The following CLOCK variants were observed in gnomAD, a reference collection of about 807,000 sequenced individuals.
CLOCK encodes the protein clock circadian regulator.
CLOCK carries 43 observed loss-of-function variants against 118.4 expected under a neutral mutation model. The observed-to-expected ratio is 0.36, with a 90% CI of 0.28 to 0.47. CLOCK has a LOEUF of 0.47. Among genes scored for constraint, CLOCK ranks in the 20% least tolerant of loss-of-function variants. CLOCK has a pLI of 1.00. For missense variants in CLOCK, 846 were observed against 999.9 expected, an observed-to-expected ratio of 0.85 and a Z score of 2.08; for synonymous variants, 326 against 339.2, an observed-to-expected ratio of 0.96 and a Z score of 0.43.
chr4:55,512,607 C>T (rs952340873), intron 1 of CLOCK, among the ~76,000 whole-genome samples: 4 of 151,784 alleles, frequency 2.6e-5, no homozygotes, highest in Non-Finnish European at 2.9e-5. Flanking sequence ...ACACGGAATA[C>T]GTCTTTGATG....
In CLOCK at chr4:55,453,563, C is replaced by T. The variant is rs1014921108; in HGVS notation, c.1130+114G>A. ...ATAATATATTGAAAGGATCTATCAG[C>T]AATTGAGAAAAGAGCACTTTGTAGC... On this transcript the variant is annotated intron_variant, in intron 14 of 22. Coordinates refer to ENST00000513440, the MANE Select transcript of CLOCK (RefSeq NM_004898.4). The T allele has an allele frequency of 1.3e-5, 10 of 743,192 alleles. No individual in the cohort carries two copies. The African/African-American group carries it at 1.6e-4, about 12-fold the overall frequency. The allele number at this position is 743,192 out of a possible 1,614,324, so 46.0% of individuals were successfully genotyped here.
At chr4:55,544,956 C>A (rs1287372676) in intron 1 of CLOCK, among the ~76,000 whole-genome samples, 1 of 151,924 alleles carries the variant, frequency 6.6e-6, no homozygotes, top group East Asian at 1.9e-4. Context: ...TTTTTGCAAT[C>A]TTTGCATGTT....
chr4:55,442,657 A>G (rs1723467408), intron 20 of CLOCK, 23 bp from the exon 21 acceptor site: 1 of 1,576,814 alleles, frequency 6.3e-7, no homozygotes, highest in Non-Finnish European at 8.7e-7. Context: ...AAGAGATTTT[A>G]TAGACAGATT....
chr4:55,459,725 T>G (rs1269574090), intron 9 of CLOCK, among the ~76,000 whole-genome samples: 2 of 152,110 alleles, frequency 1.3e-5, no homozygotes, highest in African/African-American at 4.8e-5. Context: ...TGCAGTGGCA[T>G]GATCACTGCT....
chr4:55,438,554 G>A lies in CLOCK; in HGVS notation c.2106-17C>T, dbSNP rs1172937295. The A allele has an allele frequency of 1.9e-6, 3 of 1,612,462 alleles. No individual in the cohort carries two copies. In the South Asian group the frequency reaches 3.3e-5, roughly 18 times the overall value. ...TGAGAAAATCTGTTAGAAGAAAGAAGGAAAAAAATTGGAGTCCAAAGTACA... is the reference window on the plus strand; with the variant it reads ...TGAGAAAATCTGTTAGAAGAAAGAAAGAAAAAAATTGGAGTCCAAAGTACA... On this transcript the variant is annotated splice_polypyrimidine_tract_variant and intron_variant, in intron 21 of 22. Coordinates refer to ENST00000513440, the MANE Select transcript of CLOCK (RefSeq NM_004898.4).
At chr4:55,466,975 G>T (rs1234811280) in intron 8 of CLOCK, among the ~76,000 whole-genome samples, 1 of 152,148 alleles carries the variant, frequency 6.6e-6, no homozygotes, top group African/African-American at 2.4e-5. Context: ...TTAGTGATTG[G>T]ATGACACAAA....
intron 2 of CLOCK, among the ~76,000 whole-genome samples, chr4:55,507,221 G>A (rs982471002): frequency 4.6e-5 from 7 of 152,090 alleles, no homozygotes; most frequent in Non-Finnish European, 7.4e-5. Context: ...AGGCTAAGGT[G>A]CGACGATCGC....
intron 4 of CLOCK, 25 bp from the exon 5 acceptor site, chr4:55,479,724 T>A: frequency 6.3e-7 from 1 of 1,592,362 alleles, no homozygotes; most frequent in Non-Finnish European, 8.6e-7. Flanking sequence ...ATAGAGAAAG[T>A]AAGAGCAGAC....
chr4:55,443,973 C>T, intron 19 of CLOCK, 77 bp from the exon 20 acceptor site: 1 of 1,322,700 alleles, frequency 7.6e-7, no homozygotes, highest in Non-Finnish European at 1.1e-6. Context: ...AAGGCAAAAT[C>T]AAGCTACAAA....
rs985564719 is a variant in CLOCK, at chr4:55,546,835, G to A, written c.-343C>T. On this transcript the variant is annotated 5_prime_UTR_variant, in exon 1 of 23. Coordinates refer to ENST00000513440, the MANE Select transcript of CLOCK (RefSeq NM_004898.4). ...ATTTCCTTCGCGCTCTCGCTCTCCGGGGTTTCCTTTTTTAAACCGGCAGCC... is the reference window on the plus strand; with the variant it reads ...ATTTCCTTCGCGCTCTCGCTCTCCGAGGTTTCCTTTTTTAAACCGGCAGCC... The A allele has an allele frequency of 6.6e-6, 1 of 152,180 alleles. No individual in the cohort carries two copies. The highest frequency in any genetic ancestry group is 1.5e-5 in the Non-Finnish European group (1 of 68,078). The allele number at this position is 152,180 out of a possible 1,614,324, so 9.4% of individuals were successfully genotyped here. A position where few individuals can be genotyped will look rare whatever the true frequency, so the allele number is the denominator to read the frequency against.
chr4:55,511,963 T>C (rs1729177724), intron 1 of CLOCK, among the ~76,000 whole-genome samples: 3 of 151,946 alleles, frequency 2.0e-5, no homozygotes, highest in Admixed American at 2.0e-4. Flanking sequence ...CACTGAATGA[T>C]ATATTCCATT....
chr4:55,511,441 G>A (rs1041400647), intron 1 of CLOCK, among the ~76,000 whole-genome samples: 5 of 152,060 alleles, frequency 3.3e-5, no homozygotes, highest in Non-Finnish European at 7.4e-5. Context: ...AAAGACTTTA[G>A]AACATTAATT....
intron 21 of CLOCK, 73 bp downstream of exon 21, chr4:55,442,359 A>C (rs1285789522): frequency 3.0e-6 from 4 of 1,339,380 alleles, no homozygotes; most frequent in Non-Finnish European, 4.3e-6. Context: ...AAATTTGATT[A>C]AGAAATCAAA....
At chr4:55,483,876 A>G (rs1210508990) in intron 3 of CLOCK, among the ~76,000 whole-genome samples, 2 of 152,222 alleles carry the variant, frequency 1.3e-5, no homozygotes, top group African/African-American at 4.8e-5. Flanking sequence ...AAGCTGGATC[A>G]CAAGCCTAAA....
intron 1 of CLOCK, 98 bp from the exon 2 acceptor site, chr4:55,510,163 G>A (rs1245371462): frequency 6.6e-6 from 1 of 152,100 alleles, no homozygotes; most frequent in African/African-American, 2.4e-5. Flanking sequence ...AACATTTATT[G>A]CGAGCCTCCT....
At chr4:55,537,604 G>C (rs1183786876) in intron 1 of CLOCK, among the ~76,000 whole-genome samples, 5 of 151,970 alleles carry the variant, frequency 3.3e-5, no homozygotes, top group African/African-American at 1.2e-4. Context: ...AGGCAACGGA[G>C]TGAGACCCAG....
chr4:55,505,496 T>C (rs1158461907), intron 2 of CLOCK, among the ~76,000 whole-genome samples: 1 of 151,776 alleles, frequency 6.6e-6, no homozygotes, highest in African/African-American at 2.4e-5. Flanking sequence ...AAACCCCTTA[T>C]CTACTAAAAA....
chr4:55,522,100 T>C (rs1729880826), intron 1 of CLOCK, among the ~76,000 whole-genome samples: 1 of 152,186 alleles, frequency 6.6e-6, no homozygotes, highest in Admixed American at 6.5e-5. Context: ...CCGGATTTCT[T>C]TCTTACCACA....
intron 20 of CLOCK, among the ~76,000 whole-genome samples, chr4:55,443,219 T>C (rs928823817): frequency 1.3e-5 from 2 of 152,118 alleles, no homozygotes; most frequent in South Asian, 4.1e-4. Context: ...CTCACACCTG[T>C]AATCCCAGCA....
Sources: gnomAD v4.1 joint callset for allele counts (sites outside exome capture counted in the v4.1 genomes callset) on GRCh38, gnomAD v4.1.1 for gene constraint, MANE v1.5 for transcripts, NCBI Gene and HGNC (gene_info 2026-07-23, HGNC 2026-07-21) for gene names.